Variants in AK5 observed in about 807,000 individuals in gnomAD.
AK5 encodes the protein adenylate kinase 5.
AK5 carries 27 observed loss-of-function variants against 69.5 expected under a neutral mutation model. That is an observed-to-expected ratio of 0.39 (90% CI 0.29 to 0.54). AK5 has a LOEUF of 0.54. Ranked by LOEUF, AK5 falls within the 20% of genes least tolerant of loss-of-function variation. The pLI, the probability that AK5 is intolerant of heterozygous loss-of-function variation, is 0.71. For synonymous variants in AK5, 260 were observed against 244.4 expected, an observed-to-expected ratio of 1.06 and a Z score of -0.60; for missense variants, 531 against 700.4, an observed-to-expected ratio of 0.76 and a Z score of 2.73.
intron 10 of AK5, among the ~76,000 whole-genome samples, chr1:77,488,023 C>T (rs1187223892): frequency 2.0e-5 from 3 of 152,128 alleles, no homozygotes; most frequent in African/African-American, 7.2e-5. Context: ...AGAGGGTGAC[C>T]AGGGAAGGCT....
At chr1:77,466,629 A>AAAC (rs1654159713) in intron 8 of AK5, among the ~76,000 whole-genome samples, 1 of 152,238 alleles carries the variant, frequency 6.6e-6, no homozygotes, top group African/African-American at 2.4e-5. Context: ...ATTTATAAAA[A>AAAC]ACAAAAATTT....
intron 9 of AK5, among the ~76,000 whole-genome samples, chr1:77,483,991 G>C (rs2100723985): frequency 6.6e-6 from 1 of 152,194 alleles, no homozygotes; most frequent in East Asian, 1.9e-4. Flanking sequence ...GTGAAACCCT[G>C]TCTCTACTAA....
chr1:77,314,047 T>A (rs773985455), intron 5 of AK5: 22 of 370,884 alleles, frequency 5.9e-5, no homozygotes, highest in Non-Finnish European at 1.1e-4. Flanking sequence ...ATGACAATAT[T>A]GAACATATAT....
chr1:77,397,864 T>C (rs1428957156), intron 6 of AK5, among the ~76,000 whole-genome samples: 1 of 152,184 alleles, frequency 6.6e-6, no homozygotes, highest in Non-Finnish European at 1.5e-5. Flanking sequence ...ATCATCCCAC[T>C]GCACTCTAGT....
chr1:77,535,215 A>G (rs1416887579), intron 12 of AK5, among the ~76,000 whole-genome samples: 1 of 152,184 alleles, frequency 6.6e-6, no homozygotes, highest in Non-Finnish European at 1.5e-5. Flanking sequence ...TATTTCCGCT[A>G]CAGTCTGTTG....
intron 10 of AK5, among the ~76,000 whole-genome samples, chr1:77,502,049 TC>T (rs1311110699): frequency 6.6e-6 from 1 of 152,200 alleles, no homozygotes; most frequent in Non-Finnish European, 1.5e-5. Flanking sequence ...ATATTCACTA[TC>T]CTATTAATAA....
At chr1:77,553,912 A>C (rs1419065331) in intron 13 of AK5, among the ~76,000 whole-genome samples, 1 of 152,174 alleles carries the variant, frequency 6.6e-6, no homozygotes, top group Non-Finnish European at 1.5e-5. Context: ...GAGATGAGGA[A>C]GGCAGACATC....
At chr1:77,408,791 C>T (rs1429052440) in intron 6 of AK5, among the ~76,000 whole-genome samples, 2 of 151,922 alleles carry the variant, frequency 1.3e-5, no homozygotes, top group South Asian at 2.1e-4. Flanking sequence ...TTTGGGGGCA[C>T]ATGTAAAGGT....
chr1:77,449,386 C>G (rs1652994534), intron 8 of AK5, among the ~76,000 whole-genome samples: 1 of 152,144 alleles, frequency 6.6e-6, no homozygotes, highest in Admixed American at 6.5e-5. Flanking sequence ...TTGCATGGAG[C>G]CTGTAGCCCC....
intron 8 of AK5, among the ~76,000 whole-genome samples, chr1:77,430,754 A>G (rs111338058): frequency 6.6e-6 from 1 of 152,208 alleles, no homozygotes; most frequent in Non-Finnish European, 1.5e-5. Context: ...GCCAGAGAAA[A>G]CAGTATTTCA....
chr1:77,475,349 CATATATATT>C lies in AK5; in HGVS notation c.1060-7959_1060-7951del, dbSNP rs1654799750. Among the ~76,000 whole-genome samples the C allele has an allele frequency of 2.5e-5, 3 of 120,072 alleles. No homozygotes were observed. In the Admixed American group the frequency reaches 3.0e-4, roughly 12 times the overall value. 78.8% of individuals were successfully genotyped at this position (120,072 alleles called of 152,430 possible). A position where few individuals can be genotyped will look rare whatever the true frequency, so the allele number is the denominator to read the frequency against. On this transcript the variant is annotated intron_variant, in intron 8 of 13. Transcript: ENST00000354567. ...AGCTCAGGGCAAATGTATATATATA[CATATATATT>C]ATATATATACAAATATATATTATAT...
chr1:77,335,407 AT>A (rs1661296671), intron 5 of AK5, among the ~76,000 whole-genome samples: 28 of 134,484 alleles, frequency 2.1e-4, no homozygotes, highest in Admixed American at 1.9e-3. Context: ...TTTGTAACTT[AT>A]TTATTCACTC....
At chr1:77,397,473 G>C (rs1648907678) in intron 6 of AK5, among the ~76,000 whole-genome samples, 2 of 152,284 alleles carry the variant, frequency 1.3e-5, no homozygotes, top group South Asian at 4.1e-4. Context: ...CCAACAGGGG[G>C]AAACATTAGC....
intron 5 of AK5, among the ~76,000 whole-genome samples, chr1:77,321,233 A>G (rs187166507): frequency 6.6e-6 from 1 of 152,140 alleles, no homozygotes; most frequent in Non-Finnish European, 1.5e-5. Flanking sequence ...GCATTTTGGG[A>G]GGCTGAGGTG....
chr1:77,526,870 GTCTC>G (rs149078316), intron 12 of AK5, among the ~76,000 whole-genome samples: 117 of 149,162 alleles, frequency 7.8e-4, no homozygotes, highest in Middle Eastern at 6.8e-3. Flanking sequence ...AATAAATAAG[GTCTC>G]TCTCTCTCTC....
rs554476573 is a variant in AK5, at chr1:77,327,824, A to C, written c.700-12553A>C. Among the ~76,000 whole-genome samples, 5 of 152,356 alleles carry C rather than the reference A, an allele frequency of 3.3e-5. No homozygotes were observed. In the East Asian group the frequency reaches 9.6e-4, roughly 29 times the overall value. On this transcript the variant is annotated intron_variant, in intron 5 of 13. Coordinates refer to ENST00000354567, the MANE Select transcript of AK5 (RefSeq NM_174858.3). ...TTTGCCCTCTATTCATAAAGGGCAC[A>C]TAATTATAGACAGTTCAGGCTCATT...
intron 6 of AK5, among the ~76,000 whole-genome samples, chr1:77,373,644 T>G (rs987058697): frequency 1.3e-5 from 2 of 151,900 alleles, no homozygotes; most frequent in Admixed American, 1.3e-4. Context: ...AACAATCGCT[T>G]GAACCCGGGA....
At chr1:77,550,233 T>C (rs978461597) in intron 13 of AK5, among the ~76,000 whole-genome samples, 1 of 152,174 alleles carries the variant, frequency 6.6e-6, no homozygotes, top group Non-Finnish European at 1.5e-5. Context: ...GCGTGAGCCA[T>C]TCCATCCAGC....
chr1:77,367,675 T>TATGTTATATATATGTTATATATA (rs1557533374), intron 6 of AK5, among the ~76,000 whole-genome samples: 6 of 29,292 alleles, frequency 2.0e-4, no homozygotes, highest in Admixed American at 5.0e-4. Context: ...TTATATATAA[T>TATGTTATATATATGTTATATATA]ATATATGTTA....
Sources: gnomAD v4.1 joint callset for allele counts (sites outside exome capture counted in the v4.1 genomes callset) on GRCh38, gnomAD v4.1.1 for gene constraint, MANE v1.5 for transcripts, NCBI Gene and HGNC (gene_info 2026-07-23, HGNC 2026-07-21) for gene names.